MSANTD3: variants seen among roughly 807,000 people sequenced by gnomAD.
The protein encoded by MSANTD3 is Myb/SANT DNA binding domain containing 3, also known as myb/SANT-like DNA-binding domain-containing protein 3.
A neutral mutation model predicts 27.7 loss-of-function variants in MSANTD3; 11 were observed. The observed-to-expected ratio is 0.40, with a 90% CI of 0.25 to 0.66. The LOEUF is 0.66. Among genes scored for constraint, MSANTD3 ranks in the 30% least tolerant of loss-of-function variants. MSANTD3 has a pLI of 0.41. For missense variants in MSANTD3, 250 were observed against 336.5 expected, an observed-to-expected ratio of 0.74 and a Z score of 2.01; for synonymous variants, 131 against 127.2, an observed-to-expected ratio of 1.03 and a Z score of -0.20.
intron 2 of MSANTD3, among the ~76,000 whole-genome samples, chr9:100,449,738 A>G (rs1331786300): frequency 6.6e-6 from 1 of 152,194 alleles, no homozygotes; most frequent in African/African-American, 2.4e-5. Flanking sequence ...GCAGATAAGA[A>G]CAGAGCCACA....
intron 2 of MSANTD3, chr9:100,444,198 A>T (rs1180920581): frequency 1.3e-5 from 2 of 152,242 alleles, no homozygotes; most frequent in African/African-American, 4.8e-5. Context: ...GGTTAAGTCC[A>T]GGAAGCCAGT....
intron 1 of MSANTD3, among the ~76,000 whole-genome samples, chr9:100,428,348 A>G (rs1030178442): frequency 6.6e-6 from 1 of 152,188 alleles, no homozygotes; most frequent in South Asian, 2.1e-4. Flanking sequence ...ATGTCAGAGC[A>G]GATGATTGTA....
intron 1 of MSANTD3, among the ~76,000 whole-genome samples, chr9:100,431,048 G>A (rs1290511612): frequency 6.6e-6 from 1 of 151,608 alleles, no homozygotes; most frequent in Non-Finnish European, 1.5e-5. Flanking sequence ...TGTTGCCCAG[G>A]CTGGAGTGCA....
At position 100,450,969 on chromosome 9, in the gene MSANTD3, C is replaced by A; in HGVS notation, c.*3C>A. 2 of 1,563,130 alleles carry A rather than the reference C, an allele frequency of 1.3e-6. No individual in the cohort carries two copies. Among genetic ancestry groups the A allele is most frequent in the South Asian group, 2.5e-5 (2 of 80,724 alleles). On this transcript the variant is annotated 3_prime_UTR_variant, in exon 3 of 3. Transcript: ENST00000395067. The stretch of plus-strand genomic sequence containing the variant: ...GGCCCTTTCCCAATTCGCCCTAAGA[C>A]TTTGGGGGTGGCTCTCTTGTAATTA...
chr9:100,441,860 GT>G (rs1836631255), intron 1 of MSANTD3, 45 bp from the exon 2 acceptor site: 1 of 1,517,280 alleles, frequency 6.6e-7, no homozygotes, highest in South Asian at 1.4e-5. Context: ...TATAGGCATT[GT>G]TTTTGCTGGA....
At chr9:100,448,541 G>A in intron 2 of MSANTD3, 1 of 985,418 alleles carries the variant, frequency 1.0e-6, no homozygotes. Flanking sequence ...GGTTGGGCGT[G>A]TTGGGAGGGA....
chr9:100,444,212 G>T (rs752258204), intron 2 of MSANTD3: 1 of 152,160 alleles, frequency 6.6e-6, no homozygotes, highest in Non-Finnish European at 1.5e-5. Context: ...AGCCAGTTGC[G>T]TAACCATAGT....
chr9:100,449,385 TA>T (rs1247899791), intron 2 of MSANTD3, among the ~76,000 whole-genome samples: 3 of 152,086 alleles, frequency 2.0e-5, no homozygotes, highest in African/African-American at 7.2e-5. Flanking sequence ...GCCCAAGGAT[TA>T]AAAAAAGAGA....
At chr9:100,435,726 A>T (rs1325485267) in intron 1 of MSANTD3, among the ~76,000 whole-genome samples, 2 of 152,134 alleles carry the variant, frequency 1.3e-5, no homozygotes. Context: ...GTAGCAGGGC[A>T]CGCCAGCTTC....
At chr9:100,443,919 A>G (rs534461232) in intron 2 of MSANTD3, among the ~76,000 whole-genome samples, 106 of 152,368 alleles carry the variant, frequency 7.0e-4, no homozygotes, top group African/African-American at 2.5e-3. Flanking sequence ...GCACTTCCCC[A>G]GGAAAATCTG....
intron 1 of MSANTD3, among the ~76,000 whole-genome samples, chr9:100,439,676 A>ATTTT (rs35738277): frequency 7.3e-6 from 1 of 137,058 alleles, no homozygotes; most frequent in Admixed American, 7.4e-5. Context: ...CTCCCAGCTA[A>ATTTT]TTTTTTTTTT....
rs926272494 is a variant in MSANTD3, at chr9:100,427,358, C to G, written c.-69C>G. 3 of 146,946 alleles carry G rather than the reference C, an allele frequency of 2.0e-5. No individual in the cohort carries two copies. Among genetic ancestry groups the G allele is most frequent in the African/African-American group, 7.3e-5 (3 of 40,922 alleles). 9.1% of individuals were successfully genotyped at this position (146,946 alleles called of 1,614,324 possible). Reference sequence around the variant, plus strand: ...CCGCCCTCGCGCCTCGCCGGCCCCTCCCCCGGTCGCCGCGGCTGCCGCGCC... The same window carrying G: ...CCGCCCTCGCGCCTCGCCGGCCCCTGCCCCGGTCGCCGCGGCTGCCGCGCC... On this transcript the variant is annotated 5_prime_UTR_variant, in exon 1 of 3. Coordinates refer to ENST00000395067, the MANE Select transcript of MSANTD3 (RefSeq NM_080655.3).
chr9:100,436,021 A>G (rs1587785435), intron 1 of MSANTD3, among the ~76,000 whole-genome samples: 1 of 152,154 alleles, frequency 6.6e-6, no homozygotes, highest in Admixed American at 6.6e-5. Context: ...TTGTTCTTCT[A>G]TGGGTGTTGG....
intron 1 of MSANTD3, among the ~76,000 whole-genome samples, chr9:100,440,791 T>C (rs1836600063): frequency 7.1e-6 from 1 of 141,136 alleles, no homozygotes; most frequent in East Asian, 2.0e-4. Flanking sequence ...TTTTTTTTTT[T>C]TTTTTTTTTT....
intron 1 of MSANTD3, among the ~76,000 whole-genome samples, chr9:100,439,965 G>T (rs1246613331): frequency 6.6e-6 from 1 of 152,126 alleles, no homozygotes; most frequent in African/African-American, 2.4e-5. Flanking sequence ...CTAGGGGAAC[G>T]ATAATGCTTA....
chr9:100,427,947 C>A (rs1356652148), intron 1 of MSANTD3, among the ~76,000 whole-genome samples: 1 of 150,572 alleles, frequency 6.6e-6, no homozygotes, highest in African/African-American at 2.4e-5. Flanking sequence ...AGGCGGGGGT[C>A]GGGGGGGCGT....
intron 2 of MSANTD3, chr9:100,445,219 G>T (rs571379963): frequency 1.2e-6 from 2 of 1,607,358 alleles, no homozygotes; most frequent in South Asian, 2.2e-5. Flanking sequence ...CATCCTTTCT[G>T]GGACTTGGTA....
chr9:100,441,635 G>A lies in MSANTD3; in HGVS notation c.-33-271G>A, dbSNP rs150542085. Reference sequence around the variant, plus strand: ...GCCTGGGTGACAAGAGCGAGACTCCGTTTCAAAAAAAAAATGTTCAACTTT... The same window carrying A: ...GCCTGGGTGACAAGAGCGAGACTCCATTTCAAAAAAAAAATGTTCAACTTT... On this transcript the variant is annotated intron_variant, in intron 1 of 2. Coordinates refer to ENST00000395067, the MANE Select transcript of MSANTD3 (RefSeq NM_080655.3). Among the ~76,000 whole-genome samples, 857 of 151,294 alleles carry A rather than the reference G, an allele frequency of 5.7e-3. 6 individuals are homozygous for A. Among genetic ancestry groups the A allele is most frequent in the African/African-American group, 0.02 (812 of 41,028 alleles).
intron 1 of MSANTD3, among the ~76,000 whole-genome samples, chr9:100,437,385 G>A (rs1226223553): frequency 6.6e-6 from 1 of 152,210 alleles, no homozygotes; most frequent in East Asian, 1.9e-4. Flanking sequence ...GAGCTAAGCA[G>A]AGCAGAGAGG....
Sources: allele counts gnomAD v4.1 joint callset (sites outside exome capture counted in the v4.1 genomes callset), GRCh38; gene constraint gnomAD v4.1.1; transcripts MANE v1.5; gene names NCBI Gene and HGNC (gene_info 2026-07-23, HGNC 2026-07-21).